Variants in FGFRL1 observed in about 807,000 individuals in gnomAD.
FGFRL1 encodes fibroblast growth factor receptor-like 1.
In FGFRL1, 24 loss-of-function variants were observed where a neutral mutation model predicts 36.8. The ratio of observed to expected loss-of-function variants is 0.65; its 90% CI spans 0.47 to 0.92. The LOEUF (loss-of-function observed/expected upper bound fraction) is 0.92, where lower values mean the gene tolerates loss of function less well. Ranked by LOEUF, FGFRL1 falls within the 40% of genes least tolerant of loss-of-function variation. The pLI is 0.00. For synonymous variants in FGFRL1, 422 were observed against 344.1 expected, an observed-to-expected ratio of 1.23 and a Z score of -2.50; for missense variants, 785 against 753.4, an observed-to-expected ratio of 1.04 and a Z score of -0.49.
Position 1,024,538 on chromosome 4 carries a change from G to A in FGFRL1, c.946G>A (p.Asp316Asn), listed in dbSNP as rs749914986. ...CACGGGTGACGTGTGGTCGCGGCCCGACGGCTCCTACCTCAATAAGCTGCT... is the reference window on the plus strand; with the variant it reads ...CACGGGTGACGTGTGGTCGCGGCCCAACGGCTCCTACCTCAATAAGCTGCT... ...LPTGDVWSRP[D>N]GSYLNKLLIT... The change falls in exon 6 of 7, where the codon GAC becomes AAC. Residue 316 changes from aspartate to asparagine, a missense_variant. Asp to Asn is a conservative substitution (Grantham distance 23, BLOSUM62 1). Transcript: ENST00000510644. 8.1e-6 allele frequency: 13 copies of A among 1,612,354 alleles called. No homozygotes were observed. The highest frequency in any genetic ancestry group is 5.0e-5 in the Admixed American group (3 of 59,980).
intron 6 of FGFRL1, 28 bp downstream of exon 6, chr4:1,024,692 C>T: frequency 6.4e-7 from 1 of 1,568,424 alleles, no homozygotes; most frequent in Non-Finnish European, 8.7e-7. Context: ...CACGCCACAC[C>T]ATGCTGGTGC....
At chr4:1,020,309 G>C (rs1716101995) in intron 2 of FGFRL1, among the ~76,000 whole-genome samples, 1 of 152,170 alleles carries the variant, frequency 6.6e-6, no homozygotes, top group African/African-American at 2.4e-5. Flanking sequence ...GGGCTGGCGA[G>C]AGATGCCCTG....
Position 1,024,958 on chromosome 4 carries a change from C to A in FGFRL1, c.1126C>A (p.Pro376Thr). The A allele has an allele frequency of 4.4e-6, 7 of 1,607,812 alleles. No individual in the cohort carries two copies. Among genetic ancestry groups the A allele is most frequent in the Non-Finnish European group, 5.1e-6 (6 of 1,179,110 alleles). Residue 376 changes from proline (P) to threonine (T), a missense_variant, in exon 7 of 7, where the codon CCG becomes ACG. Pro to Thr is a conservative substitution (Grantham distance 38). Transcript: ENST00000510644. Reference sequence around the variant, plus strand: ...CTCCTCGTCCTCGGCCACTAGCCTGCCGTGGCCCGTGGTCATCGGCATCCC... The same window carrying A: ...CTCCTCGTCCTCGGCCACTAGCCTGACGTGGCCCGTGGTCATCGGCATCCC... ...VASSSSATSL[P>T]WPVVIGIPAG...
Position 1,024,116 on chromosome 4 carries a change from G to A in FGFRL1, c.718+15G>A, listed in dbSNP as rs753413026. ...GGATGTGATCCGTGAGTGTGGCCCC[G>A]GGCGCTGGCGGGCGGGGGGTGCTGG... On this transcript the variant is annotated intron_variant, in intron 5 of 6. Coordinates refer to ENST00000510644, the MANE Select transcript of FGFRL1 (RefSeq NM_001004356.3). 14 of 1,473,946 alleles carry A rather than the reference G, an allele frequency of 9.5e-6. No individual in the cohort carries two copies. The highest frequency in any genetic ancestry group is 4.3e-5 in the African/African-American group (3 of 69,994). The allele number at this position is 1,473,946 out of a possible 1,614,324, so 91.3% of individuals were successfully genotyped here. A position where few individuals can be genotyped will look rare whatever the true frequency, so the allele number is the denominator to read the frequency against.
At chr4:1,017,397 C>T (rs565562577) in intron 2 of FGFRL1, among the ~76,000 whole-genome samples, 11 of 152,180 alleles carry the variant, frequency 7.2e-5, no homozygotes, top group Non-Finnish European at 1.6e-4. Context: ...TCCACCTGCC[C>T]CTCCCTCCCC....
rs138509526 is a variant in FGFRL1 at position 1,024,612 on chromosome 4, C to T, written c.1020C>T (p.Gly340=). ...ATGCGGGCATGTACATCTGCCTTGG[C>T]GCCAACACCATGGGCTACAGCTTCC... ...QDDAGMYICL[G]ANTMGYSFRS... is the part of the protein sequence containing the mutation. The change falls in exon 6 of 7, where the codon GGC becomes GGT. Residue 340 remains glycine, a synonymous_variant. Coordinates refer to ENST00000510644, the MANE Select transcript of FGFRL1 (RefSeq NM_001004356.3). 195 of 1,611,506 alleles carry T rather than the reference C, an allele frequency of 1.2e-4. No individual in the cohort carries two copies. The East Asian group carries it at 2.4e-3, about 20-fold the overall frequency.
At position 1,023,876 on chromosome 4, in the gene FGFRL1, G is replaced by A. The variant is rs1219316100; in HGVS notation, c.493G>A (p.Gly165Ser). 2 of 1,581,772 alleles carry A rather than the reference G, an allele frequency of 1.3e-6. No individual in the cohort carries two copies. Among genetic ancestry groups the A allele is most frequent in the South Asian group, 2.3e-5 (2 of 87,696 alleles). Residue 165 changes from glycine (G) to serine (S), a missense_variant, in exon 5 of 7, where the codon GGT (glycine) becomes AGT (serine). Transcript: ENST00000510644. The surrounding 1 kb of genome is among the most constrained non-coding windows in gnomAD (Gnocchi z 6.0). Reference sequence around the variant, plus strand: ...GCGCCGGGTGATCGCACGGCCCGTGGGTAGCTCCGTGCGGCTCAAGTGCGT... The same window carrying A: ...GCGCCGGGTGATCGCACGGCCCGTGAGTAGCTCCGTGCGGCTCAAGTGCGT... ...MRRRVIARPV[G>S]SSVRLKCVAS... is the part of the protein sequence containing the mutation.
chr4:1,026,613 C>T lies in FGFRL1; in HGVS notation c.*1266C>T, dbSNP rs1257257660. ...AGTGGCTCATCCCCACTGCATTCTC[C>T]CCCTGACACAGAGAAGGGGCCTTGG... On this transcript the variant is annotated 3_prime_UTR_variant, in exon 7 of 7. Transcript: ENST00000510644. The T allele has an allele frequency of 1.5e-5, 4 of 269,106 alleles. No individual in the cohort carries two copies. Among genetic ancestry groups the T allele is most frequent in the East Asian group, 1.3e-4 (1 of 7,964 alleles). The allele number at this position is 269,106 out of a possible 1,614,324, so 16.7% of individuals were successfully genotyped here.
rs1715606833 is a variant in FGFRL1 at position 1,011,955 on chromosome 4, G to A, written c.-17+1G>A. On this transcript the variant is annotated splice_donor_variant, in intron 1 of 6. Coordinates refer to ENST00000510644, the MANE Select transcript of FGFRL1 (RefSeq NM_001004356.3). LOFTEE classifies it low-confidence loss of function (5UTR_SPLICE). ...CCCGCCCGCTGAGCCCCCCGCCGAG[G>A]TGAGCCCCCCGCGCGCGCGGCCGCG... 1 of 145,708 alleles carries A rather than the reference G, an allele frequency of 6.9e-6. No homozygotes were observed. Among genetic ancestry groups the A allele is most frequent in the African/African-American group, 2.5e-5 (1 of 40,548 alleles). 9.0% of individuals were successfully genotyped at this position (145,708 alleles called of 1,614,324 possible). A position where few individuals can be genotyped will look rare whatever the true frequency, so the allele number is the denominator to read the frequency against.
At chr4:1,013,902 T>A (rs1212746725) in intron 2 of FGFRL1, among the ~76,000 whole-genome samples, 2 of 152,244 alleles carry the variant, frequency 1.3e-5, no homozygotes, top group African/African-American at 4.8e-5. Context: ...GGGCTGAGGA[T>A]ATCCAGCCCT....
intron 6 of FGFRL1, 33 bp downstream of exon 6, chr4:1,024,697 T>C: frequency 6.4e-7 from 1 of 1,563,580 alleles, no homozygotes; most frequent in Non-Finnish European, 8.7e-7. Flanking sequence ...CACACCATGC[T>C]GGTGCCCGGA....
At chr4:1,018,862 C>G (rs547518815) in intron 2 of FGFRL1, among the ~76,000 whole-genome samples, 1 of 151,506 alleles carries the variant, frequency 6.6e-6, no homozygotes, top group Non-Finnish European at 1.5e-5. Flanking sequence ...GGTCTTGGGC[C>G]GGCAACAGCA....
rs1261413178 is a variant in FGFRL1 at position 1,011,795 on chromosome 4, G to C, written c.-176G>C. On this transcript the variant is annotated 5_prime_UTR_variant, in exon 1 of 7. Transcript: ENST00000510644. ...AGCGCCCGAGCCCGGACCCCGACCC[G>C]GCCCGAGCCGCCCGCGCCCAGGTAG... The C allele has an allele frequency of 7.1e-6, 1 of 141,538 alleles. No individual in the cohort carries two copies. Among genetic ancestry groups the C allele is most frequent in the Non-Finnish European group, 1.6e-5 (1 of 64,182 alleles). The allele number at this position is 141,538 out of a possible 1,614,324, so 8.8% of individuals were successfully genotyped here.
At chr4:1,022,166 C>A in intron 2 of FGFRL1, 37 bp from the exon 3 acceptor site, 1 of 1,475,464 alleles carries the variant, frequency 6.8e-7, no homozygotes, top group Non-Finnish European at 9.0e-7. Flanking sequence ...GGACCCCAAG[C>A]CCCTCCTCGC....
At chr4:1,020,430 C>T (rs1346874273) in intron 2 of FGFRL1, among the ~76,000 whole-genome samples, 1 of 151,888 alleles carries the variant, frequency 6.6e-6, no homozygotes, top group African/African-American at 2.4e-5. Flanking sequence ...CACGCAGGGC[C>T]CTCCTTTCCC....
At chr4:1,015,112 G>C (rs1048167384) in intron 2 of FGFRL1, among the ~76,000 whole-genome samples, 1 of 152,190 alleles carries the variant, frequency 6.6e-6, no homozygotes, top group Non-Finnish European at 1.5e-5. Context: ...TGCTGGGAGA[G>C]GCGGGCTGTG....
chr4:1,025,131 C>T lies in FGFRL1; in HGVS notation c.1299C>T (p.Pro433=). 6.2e-7 allele frequency: 1 copy of T among 1,611,280 alleles called. No individual in the cohort carries two copies. The highest frequency in any genetic ancestry group is 1.3e-5 in the African/African-American group (1 of 75,042). ...ACCGCAGCGGAGACAAGGACCTTCC[C>T]TCGTTGGCCGCCCTCAGCGCTGGCC... ...ARDRSGDKDL[P]SLAALSAGPG... is the part of the protein sequence containing the mutation. Residue 433 remains proline (P), a synonymous_variant, in exon 7 of 7, where the codon CCC becomes CCT. Transcript: ENST00000510644.
intron 3 of FGFRL1, 43 bp downstream of exon 3, chr4:1,022,518 C>G: frequency 6.4e-7 from 1 of 1,552,506 alleles, no homozygotes; most frequent in Non-Finnish European, 8.7e-7. Flanking sequence ...TGGGTTGGAG[C>G]CAGGCAGGGG....
intron 2 of FGFRL1, 125 bp from the exon 3 acceptor site, chr4:1,022,078 G>C: frequency 1.4e-6 from 1 of 707,418 alleles, no homozygotes; most frequent in Non-Finnish European, 2.2e-6. Flanking sequence ...GCTCATCTTG[G>C]GCAGGTGACC....
Sources: allele counts gnomAD v4.1 joint callset (sites outside exome capture counted in the v4.1 genomes callset), GRCh38; gene constraint gnomAD v4.1.1; non-coding constraint Gnocchi (gnomAD v3.1); transcripts MANE v1.5; gene names NCBI Gene and HGNC (gene_info 2026-07-23, HGNC 2026-07-21).